Variants in TPD52 observed in about 807,000 individuals in gnomAD.
The protein encoded by TPD52 is tumor protein D52, also known as prostate and colon associated protein.
TPD52 carries 17 observed loss-of-function variants against 31.3 expected under a neutral mutation model. The ratio of observed to expected loss-of-function variants is 0.54; its 90% confidence interval spans 0.37 to 0.82. TPD52 has a LOEUF of 0.82. Ranked by LOEUF, TPD52 falls within the 40% of genes least tolerant of loss-of-function variation. The pLI is 0.00. For synonymous variants in TPD52, 83 were observed against 89.6 expected (o/e 0.93, Z 0.42); for missense variants, 212 against 240.1 (o/e 0.88, Z 0.77).
chr8:80,058,429 A>G (rs1812133627), intron 2 of TPD52, among the ~76,000 whole-genome samples: 1 of 152,264 alleles, frequency 6.6e-6, no homozygotes, highest in Admixed American at 6.5e-5. Flanking sequence ...GCACAAGAGT[A>G]TATTGGCATA....
At chr8:80,110,402 G>C (rs1291166041) in intron 1 of TPD52, among the ~76,000 whole-genome samples, 1 of 151,994 alleles carries the variant, frequency 6.6e-6, no homozygotes, top group Non-Finnish European at 1.5e-5. Flanking sequence ...TGAGCCTGTT[G>C]TCATGATTTA....
intron 2 of TPD52, among the ~76,000 whole-genome samples, chr8:80,054,869 G>A (rs1811713220): frequency 1.3e-5 from 2 of 152,094 alleles, no homozygotes; most frequent in South Asian, 2.1e-4. Context: ...ACTGGACCCA[G>A]TTTTGTAAGT....
chr8:80,037,943 T>A lies in TPD52; in HGVS notation c.*173A>T. Reference sequence around the variant, plus strand: ...TACACTAAAGGGTGTTTCCCAAGAATAGAGGTGAAGATATTTTCATTTTGT... The same window carrying A: ...TACACTAAAGGGTGTTTCCCAAGAAAAGAGGTGAAGATATTTTCATTTTGT... On this transcript the variant is annotated 3_prime_UTR_variant, in exon 8 of 8. Transcript: ENST00000518937. 1.3e-6 allele frequency: 1 copy of A among 793,788 alleles called. No individual in the cohort carries two copies. Among genetic ancestry groups the A allele is most frequent in the Non-Finnish European group, 1.9e-6 (1 of 521,450 alleles). 49.2% of individuals were successfully genotyped at this position (793,788 alleles called of 1,614,324 possible).
At chr8:80,064,733 C>T in intron 1 of TPD52, 140 bp from the exon 2 acceptor site, 2 of 719,644 alleles carry the variant, frequency 2.8e-6, no homozygotes, top group Middle Eastern at 2.3e-4. Context: ...AATGACCTGG[C>T]TTTCTCAGCA....
In TPD52 at chr8:80,117,734, CTTTT is replaced by C. The variant is rs57998208; in HGVS notation, c.20-53145_20-53142del. Among the ~76,000 whole-genome samples, 484 of 131,362 alleles carry C rather than the reference CTTTT, an allele frequency of 3.7e-3. 3 individuals are homozygous for C. The highest frequency in any genetic ancestry group is 5.6e-3 in the Non-Finnish European group (357 of 63,266). 86.2% of individuals were successfully genotyped at this position (131,362 alleles called of 152,430 possible). Reference sequence around the variant, plus strand: ...ACTCATGCTTTCTTTTTTTTTCTTTCTTTTTTTTTTTTTTTTGAGACAGAGTCTT... The same window carrying C: ...ACTCATGCTTTCTTTTTTTTTCTTTCTTTTTTTTTTTTGAGACAGAGTCTT... On this transcript the variant is annotated intron_variant, in intron 1 of 7. Transcript: ENST00000518937.
At chr8:80,131,243 G>GA (rs1808998145) in intron 1 of TPD52, among the ~76,000 whole-genome samples, 2 of 152,202 alleles carry the variant, frequency 1.3e-5, no homozygotes, top group Non-Finnish European at 2.9e-5. Flanking sequence ...TAAGCTACTT[G>GA]AAAGGAAACA....
intron 1 of TPD52, among the ~76,000 whole-genome samples, chr8:80,152,851 C>T (rs1179677296): frequency 3.3e-5 from 5 of 149,336 alleles, no homozygotes; most frequent in African/African-American, 1.2e-4. Context: ...AACTGATAGG[C>T]CTGCCAAAGA....
At chr8:80,151,586 T>A (rs1810572064) in intron 1 of TPD52, among the ~76,000 whole-genome samples, 1 of 152,240 alleles carries the variant, frequency 6.6e-6, no homozygotes, top group Non-Finnish European at 1.5e-5. Flanking sequence ...GATCAGTTTT[T>A]TCTGGAAACA....
intron 5 of TPD52, among the ~76,000 whole-genome samples, chr8:80,049,767 A>G (rs1475415675): frequency 2.0e-5 from 3 of 152,216 alleles, no homozygotes; most frequent in Admixed American, 6.5e-5. Context: ...GCATGGTTTG[A>G]GCTAACATCT....
intron 1 of TPD52, among the ~76,000 whole-genome samples, chr8:80,086,178 C>G (rs574294974): frequency 5.7e-5 from 7 of 121,992 alleles, no homozygotes; most frequent in Admixed American, 1.1e-4. Flanking sequence ...AGTGCAGTGT[C>G]GTGATCTTGA....
At chr8:80,077,456 C>T (rs1446527850) in intron 1 of TPD52, among the ~76,000 whole-genome samples, 3 of 151,998 alleles carry the variant, frequency 2.0e-5, no homozygotes, top group Admixed American at 2.0e-4. Context: ...ATCCAAGTGG[C>T]GTATAAAGTA....
At chr8:80,127,542 C>T (rs1808701639) in intron 1 of TPD52, 1 of 152,068 alleles carries the variant, frequency 6.6e-6, no homozygotes, top group Non-Finnish European at 1.5e-5. Flanking sequence ...TTCTATAATT[C>T]GAATTCTGTT....
intron 1 of TPD52, among the ~76,000 whole-genome samples, chr8:80,088,722 T>C (rs995121632): frequency 6.6e-6 from 1 of 152,074 alleles, no homozygotes; most frequent in Non-Finnish European, 1.5e-5. Flanking sequence ...GATGGGGTCT[T>C]TAGGAGGTAA....
At chr8:80,064,796 C>T (rs777185635) in intron 1 of TPD52, 2 of 687,796 alleles carry the variant, frequency 2.9e-6, no homozygotes, top group South Asian at 3.0e-5. Context: ...GTAGACTCTG[C>T]CAAAATATGA....
chr8:80,088,215 T>C (rs1815969091), intron 1 of TPD52, among the ~76,000 whole-genome samples: 1 of 152,182 alleles, frequency 6.6e-6, no homozygotes, highest in Non-Finnish European at 1.5e-5. Context: ...CTGGGGATCT[T>C]GCTGTGATGC....
At chr8:80,043,596 T>A (rs1396236092) in intron 6 of TPD52, among the ~76,000 whole-genome samples, 2 of 152,142 alleles carry the variant, frequency 1.3e-5, no homozygotes, top group Non-Finnish European at 2.9e-5. Context: ...TCAGAGGCTC[T>A]AGAGGTGGGG....
At chr8:80,042,535 A>G in intron 7 of TPD52, 85 bp downstream of exon 7, 1 of 1,545,566 alleles carries the variant, frequency 6.5e-7, no homozygotes, top group Non-Finnish European at 8.7e-7. Context: ...AGAAAGAAAT[A>G]TTAATGTCAA....
In TPD52 at chr8:80,091,156, A is replaced by C. The variant is rs557413042; in HGVS notation, c.20-26563T>G. ...AATGCCTGAATTCTCTATCACAAGG[A>C]GTCACAGACTGGATTCTAAAATACA... On this transcript the variant is annotated intron_variant, in intron 1 of 7. Transcript: ENST00000518937. Among the ~76,000 whole-genome samples, 61 of 152,324 alleles carry C rather than the reference A, an allele frequency of 4.0e-4. No homozygotes were observed. In the South Asian group the frequency reaches 1.0e-2, roughly 25 times the overall value.
chr8:80,154,994 G>A (rs374325988), intron 1 of TPD52, among the ~76,000 whole-genome samples: 10 of 118,092 alleles, frequency 8.5e-5, no homozygotes, highest in African/African-American at 3.0e-4. Flanking sequence ...TGTGTTTTTG[G>A]TTTTTTGTTT....
Sources: gnomAD v4.1 joint callset for allele counts (sites outside exome capture counted in the v4.1 genomes callset) on GRCh38, gnomAD v4.1.1 for gene constraint, MANE v1.5 for transcripts, NCBI Gene and HGNC (gene_info 2026-07-23, HGNC 2026-07-21) for gene names.